Variants in NCOR1 observed in about 807,000 individuals in gnomAD.
NCOR1 encodes protein phosphatase 1, regulatory subunit 109.
In NCOR1, 63 loss-of-function variants were observed where a neutral mutation model predicts 288.1. That is an observed-to-expected ratio of 0.22 (90% CI 0.18 to 0.27). The LOEUF is 0.27. Ranked by LOEUF, NCOR1 falls within the 10% of genes least tolerant of loss-of-function variation. The pLI, the probability that NCOR1 is intolerant of heterozygous loss-of-function variation, is 1.00. For synonymous variants in NCOR1, 1,007 were observed against 1,065.9 expected, an observed-to-expected ratio of 0.94 and a Z score of 1.08; for missense variants, 2,397 against 3,019.2, an observed-to-expected ratio of 0.79 and a Z score of 4.83.
At chr17:16,092,674 TATATATATATATA>T (rs2065483341) in intron 21 of NCOR1, among the ~76,000 whole-genome samples, 6 of 18,458 alleles carry the variant, frequency 3.3e-4, no homozygotes, top group East Asian at 3.0e-3. Flanking sequence ...TATATATATA[TATATATATATATA>T]TATATATATT....
intron 1 of NCOR1, among the ~76,000 whole-genome samples, chr17:16,207,882 G>A (rs1312299962): frequency 1.3e-5 from 2 of 151,798 alleles, no homozygotes; most frequent in Non-Finnish European, 2.9e-5. Context: ...CTGTAATGGG[G>A]GAAAGAAATC....
At chr17:16,205,736 G>C (rs1043018766) in intron 1 of NCOR1, among the ~76,000 whole-genome samples, 1 of 151,540 alleles carries the variant, frequency 6.6e-6, no homozygotes, top group African/African-American at 2.4e-5. Flanking sequence ...TCGAGAGTTC[G>C]AGACCAGCCT....
chr17:16,195,935 A>G (rs1039091107), intron 1 of NCOR1, among the ~76,000 whole-genome samples: 1 of 151,972 alleles, frequency 6.6e-6, no homozygotes, highest in Non-Finnish European at 1.5e-5. Context: ...AGAATATTAC[A>G]TATGTATAAA....
intron 3 of NCOR1, among the ~76,000 whole-genome samples, chr17:16,173,684 G>C (rs178836): frequency 0.53 from 80,729 of 152,000 alleles, 21,851 homozygotes; most frequent in Middle Eastern, 0.62. Flanking sequence ...CATCCCAGCA[G>C]TTTGGGAGGC....
intron 35 of NCOR1, 105 bp downstream of exon 35, chr17:16,063,963 T>C: frequency 7.1e-7 from 1 of 1,412,436 alleles, no homozygotes; most frequent in East Asian, 2.5e-5. Flanking sequence ...AACGTTGTCT[T>C]AGAATTTTTG....
intron 3 of NCOR1, among the ~76,000 whole-genome samples, chr17:16,172,392 A>G (rs952493125): frequency 1.3e-5 from 2 of 152,168 alleles, no homozygotes; most frequent in African/African-American, 4.8e-5. Context: ...AGGATTAAAA[A>G]CTAATCTAGA....
intron 10 of NCOR1, among the ~76,000 whole-genome samples, chr17:16,145,007 C>T (rs2077672292): frequency 6.6e-6 from 1 of 152,220 alleles, no homozygotes; most frequent in African/African-American, 2.4e-5. Flanking sequence ...TGCAACCTCC[C>T]TGCCTGATTC....
chr17:16,081,955 C>T (rs566449913), intron 23 of NCOR1, among the ~76,000 whole-genome samples: 8 of 152,290 alleles, frequency 5.3e-5, no homozygotes, highest in South Asian at 4.1e-4. Context: ...AGGCTCTGCA[C>T]GCCAGGAAGT....
chr17:16,155,821 A>G (rs1430447103), intron 6 of NCOR1, among the ~76,000 whole-genome samples: 1 of 152,150 alleles, frequency 6.6e-6, no homozygotes, highest in Non-Finnish European at 1.5e-5. Flanking sequence ...TCATTAAAAA[A>G]TGTTAAAAGA....
chr17:16,207,863 TC>T (rs887291890), intron 1 of NCOR1, among the ~76,000 whole-genome samples: 64 of 152,048 alleles, frequency 4.2e-4, no homozygotes, highest in African/African-American at 1.5e-3. Context: ...ATTTTGTTCC[TC>T]GAGTACACTG....
chr17:16,068,036 A>T lies in NCOR1; in HGVS notation c.4599T>A (p.Ser1533=). 6.2e-7 allele frequency: 1 copy of T among 1,614,172 alleles called. No individual in the cohort carries two copies. ...PTQRESIPAK[S]PVPGVDPVVS... ...CGACAGGGTCCACCCCAGGCACTGG[A>T]GACTTCGCTGGGATACTTTCCCTCT... The change falls in exon 32 of 46, where the codon TCT becomes TCA. Residue 1533 remains serine (S), a synonymous_variant. Coordinates refer to ENST00000268712, the MANE Select transcript of NCOR1 (RefSeq NM_006311.4).
chr17:16,151,131 T>C (rs886808734), intron 8 of NCOR1, among the ~76,000 whole-genome samples: 2 of 151,802 alleles, frequency 1.3e-5, no homozygotes, highest in Admixed American at 1.3e-4. Context: ...TAATAAAACA[T>C]ATAAAGTAGA....
rs2060128381 is a variant in NCOR1, at chr17:16,058,063, A to G, written c.6012T>C (p.Asn2004=). 1.9e-6 allele frequency: 3 copies of G among 1,613,894 alleles called. No individual in the cohort carries two copies. Among genetic ancestry groups the G allele is most frequent in the Non-Finnish European group, 2.5e-6 (3 of 1,179,918 alleles). The stretch of plus-strand genomic sequence containing the variant: ...GTCCTTCATATTGTCTGGTAGGATC[A>G]TCTAGGAGAGAACACATAGATGTCT... ...PEVVKANQAE[N]DPTRQYEGPL... The change falls in exon 39 of 46, where the codon AAT becomes AAC. Residue 2004 remains asparagine (N), a splice_region_variant and synonymous_variant. Transcript: ENST00000268712.
At chr17:16,052,109 C>T (rs2059391503) in intron 40 of NCOR1, among the ~76,000 whole-genome samples, 1 of 151,688 alleles carries the variant, frequency 6.6e-6, no homozygotes, top group Admixed American at 6.6e-5. Context: ...CCCGGGTTCA[C>T]GCCATTCTCC....
intron 34 of NCOR1, 136 bp from the exon 35 acceptor site, chr17:16,064,323 G>C: frequency 1.7e-6 from 2 of 1,172,080 alleles, no homozygotes; most frequent in Non-Finnish European, 1.2e-6. Flanking sequence ...GTTTTGGCTG[G>C]GTGCAGTGGC....
chr17:16,080,118 C>T lies in NCOR1; in HGVS notation c.3401-54G>A. The T allele has an allele frequency of 4.2e-6, 6 of 1,431,528 alleles. No homozygotes were observed. The South Asian group carries it at 4.6e-5, about 11-fold the overall frequency. The allele number at this position is 1,431,528 out of a possible 1,614,324, so 88.7% of individuals were successfully genotyped here. The stretch of plus-strand genomic sequence containing the variant: ...TACACCCCCAGCCCCTGCCCCAAAA[C>T]ATAAAAAAACAGCCCCTACTTGGGA... On this transcript the variant is annotated intron_variant, in intron 25 of 45. Transcript: ENST00000268712.
intron 15 of NCOR1, among the ~76,000 whole-genome samples, chr17:16,125,720 A>AAAC (rs1367472264): frequency 2.0e-5 from 3 of 151,794 alleles, no homozygotes; most frequent in African/African-American, 7.3e-5. Flanking sequence ...AAAAAAAAAA[A>AAAC]AACTATACTT....
intron 6 of NCOR1, among the ~76,000 whole-genome samples, chr17:16,157,303 T>C (rs2079974409): frequency 6.6e-6 from 1 of 152,168 alleles, no homozygotes; most frequent in South Asian, 2.1e-4. Flanking sequence ...TACAATAAAT[T>C]GGACTAATAT....
chr17:16,192,334 C>T (rs201332018), intron 2 of NCOR1, among the ~76,000 whole-genome samples: 6 of 151,778 alleles, frequency 4.0e-5, no homozygotes, highest in African/African-American at 1.2e-4. Flanking sequence ...GCCAACATAG[C>T]GAAAACTTGT....
Sources: gnomAD v4.1 joint callset for allele counts (sites outside exome capture counted in the v4.1 genomes callset) on GRCh38, gnomAD v4.1.1 for gene constraint, MANE v1.5 for transcripts, NCBI Gene and HGNC (gene_info 2026-07-23, HGNC 2026-07-21) for gene names.